NMBR: variants seen among roughly 807,000 people sequenced by gnomAD.
The protein encoded by NMBR is neuromedin B receptor, also known as neuromedin-B receptor.
NMBR carries 16 observed loss-of-function variants against 20.5 expected under a neutral mutation model. The ratio of observed to expected loss-of-function variants is 0.78; its 90% CI spans 0.53 to 1.19. The LOEUF (loss-of-function observed/expected upper bound fraction) is 1.19, where lower values mean the gene tolerates loss of function less well. Ranked by LOEUF, NMBR falls within the 50% of genes most tolerant of loss-of-function variation. The pLI is 0.00. For missense variants in NMBR, 582 were observed against 499.1 expected, an observed-to-expected ratio of 1.17 and a Z score of -1.58; for synonymous variants, 212 against 196.6, an observed-to-expected ratio of 1.08 and a Z score of -0.65.
chr6:142,101,192 C>T (rs1455792063), intron 1 of NMBR, among the ~76,000 whole-genome samples: 1 of 152,148 alleles, frequency 6.6e-6, no homozygotes, highest in Admixed American at 6.5e-5. Flanking sequence ...AATAATTGGG[C>T]CTCTTTGATT....
intron 1 of NMBR, among the ~76,000 whole-genome samples, chr6:142,123,098 A>G (rs1167539225): frequency 6.6e-6 from 1 of 152,018 alleles, no homozygotes; most frequent in Non-Finnish European, 1.5e-5. Flanking sequence ...TCATCATTCT[A>G]GATGCCATTA....
intron 1 of NMBR, 34 bp from the exon 2 acceptor site, chr6:142,089,355 GC>G (rs2114567785): frequency 6.6e-6 from 1 of 152,272 alleles, no homozygotes; most frequent in Non-Finnish European, 1.5e-5. Context: ...AAAAATGAGT[GC>G]CAAAGAATGA....
intron 1 of NMBR, among the ~76,000 whole-genome samples, chr6:142,145,484 T>C (rs1006200977): frequency 2.0e-5 from 3 of 152,232 alleles, no homozygotes; most frequent in Non-Finnish European, 2.9e-5. Context: ...ATTTTTCTCA[T>C]CTGTAAAATA....
chr6:142,095,267 C>A (rs960328771), intron 1 of NMBR, among the ~76,000 whole-genome samples: 52 of 152,122 alleles, frequency 3.4e-4, no homozygotes, highest in Non-Finnish European at 2.5e-4. Flanking sequence ...TTTGCCCATT[C>A]AGTATGATAT....
At chr6:142,094,745 T>C (rs1777410163) in intron 1 of NMBR, among the ~76,000 whole-genome samples, 1 of 152,206 alleles carries the variant, frequency 6.6e-6, no homozygotes, top group Admixed American at 6.5e-5. Context: ...CCTTGGGCAG[T>C]ATGTCCATTT....
chr6:142,126,780 T>A (rs1317718474), intron 1 of NMBR, among the ~76,000 whole-genome samples: 1 of 148,882 alleles, frequency 6.7e-6, no homozygotes, highest in Non-Finnish European at 1.5e-5. Context: ...TTTTTTTTTT[T>A]TGCTGTTGAG....
At chr6:142,127,337 TTGTC>T (rs761079451) in intron 1 of NMBR, among the ~76,000 whole-genome samples, 1 of 152,014 alleles carries the variant, frequency 6.6e-6, no homozygotes, top group Non-Finnish European at 1.5e-5. Context: ...TAATTTCCGT[TTGTC>T]TGTGTGTCTG....
intron 1 of NMBR, among the ~76,000 whole-genome samples, chr6:142,136,317 T>C (rs1331641045): frequency 1.3e-5 from 2 of 152,232 alleles, no homozygotes; most frequent in Admixed American, 1.3e-4. Flanking sequence ...TTTGTTCATA[T>C]CCTTTGCCCA....
chr6:142,121,605 C>T (rs1777944528), intron 1 of NMBR, among the ~76,000 whole-genome samples: 1 of 151,870 alleles, frequency 6.6e-6, no homozygotes, highest in Admixed American at 6.6e-5. Context: ...CTTCAAAACA[C>T]ATTTTAAAAC....
chr6:142,141,284 G>A (rs528192831), intron 1 of NMBR, among the ~76,000 whole-genome samples: 2 of 152,204 alleles, frequency 1.3e-5, no homozygotes, highest in African/African-American at 4.8e-5. Flanking sequence ...GCATCTAAAT[G>A]TTTGAAAAAT....
At chr6:142,133,079 GTT>G (rs1778173291) in intron 1 of NMBR, 2 of 589,016 alleles carry the variant, frequency 3.4e-6, no homozygotes, top group African/African-American at 3.7e-5. Flanking sequence ...GAATGTAAGA[GTT>G]TGATTCTGGC....
At chr6:142,081,942 CAATA>C (rs1362544226) in intron 2 of NMBR, among the ~76,000 whole-genome samples, 3 of 152,096 alleles carry the variant, frequency 2.0e-5, no homozygotes, top group Non-Finnish European at 4.4e-5. Context: ...TATTAAACCT[CAATA>C]AATAAATAGA....
intron 1 of NMBR, among the ~76,000 whole-genome samples, chr6:142,093,972 T>C (rs943013176): frequency 3.5e-4 from 47 of 134,086 alleles, no homozygotes; most frequent in African/African-American, 1.4e-3. Context: ...TGTCTGTTCA[T>C]ATCCTTCGCC....
At chr6:142,096,895 GTT>G (rs1777465248) in intron 1 of NMBR, among the ~76,000 whole-genome samples, 1 of 150,530 alleles carries the variant, frequency 6.6e-6, no homozygotes, top group Non-Finnish European at 1.5e-5. Context: ...GTTAGCTCTT[GTT>G]GTTGAATTGA....
chr6:142,094,154 A>C (rs1460086884), intron 1 of NMBR, among the ~76,000 whole-genome samples: 2 of 152,088 alleles, frequency 1.3e-5, no homozygotes, highest in Non-Finnish European at 2.9e-5. Context: ...CTTTAGTTTA[A>C]TTAGATCCCA....
At chr6:142,095,474 G>C (rs1204632895) in intron 1 of NMBR, among the ~76,000 whole-genome samples, 1 of 152,140 alleles carries the variant, frequency 6.6e-6, no homozygotes, top group African/African-American at 2.4e-5. Context: ...TGCATATGTT[G>C]AACCAGCCTT....
intron 1 of NMBR, among the ~76,000 whole-genome samples, chr6:142,107,065 G>A (rs903907135): frequency 3.3e-5 from 5 of 152,088 alleles, no homozygotes; most frequent in African/African-American, 4.8e-5. Flanking sequence ...CTAGAATTAC[G>A]AGTTCAGGGC....
Position 142,133,962 on chromosome 6 carries a change from T to A in NMBR, c.-664+13082A>T, listed in dbSNP as rs987517996. On this transcript the variant is annotated intron_variant, in intron 1 of 3. Coordinates refer to ENST00000258042, the MANE Select transcript of NMBR (RefSeq NM_002511.4). ...GTTTATGGGAATGAGGCCTTGCACTTCATTTGCGATCCAGACAAAAGAGAA... is the reference window on the plus strand; with the variant it reads ...GTTTATGGGAATGAGGCCTTGCACTACATTTGCGATCCAGACAAAAGAGAA... 4 of 702,438 alleles carry A rather than the reference T, an allele frequency of 5.7e-6. No individual in the cohort carries two copies. The African/African-American group carries it at 7.0e-5, about 12-fold the overall frequency. 43.5% of individuals were successfully genotyped at this position (702,438 alleles called of 1,614,324 possible).
chr6:142,084,769 G>A (rs1481767836), intron 2 of NMBR, among the ~76,000 whole-genome samples: 1 of 152,094 alleles, frequency 6.6e-6, no homozygotes, highest in Non-Finnish European at 1.5e-5. Flanking sequence ...ATTTGGAAAC[G>A]CAGCTACTCA....
Sources: allele counts gnomAD v4.1 joint callset (sites outside exome capture counted in the v4.1 genomes callset), GRCh38; gene constraint gnomAD v4.1.1; transcripts MANE v1.5; gene names NCBI Gene and HGNC (gene_info 2026-07-23, HGNC 2026-07-21).